The following VPS13C variants were observed in gnomAD, a reference collection of about 807,000 sequenced individuals.
VPS13C encodes intermembrane lipid transfer protein VPS13C.
Under a neutral mutation model 456.8 loss-of-function variants are expected in VPS13C, and 358 were observed. The observed-to-expected ratio is 0.78, with a 90% CI of 0.72 to 0.86. The LOEUF is 0.86. Ranked by LOEUF, VPS13C falls within the 40% of genes least tolerant of loss-of-function variation. The pLI is 0.00. For missense variants in VPS13C, 4,818 were observed against 4,385.4 expected (o/e 1.10, Z -2.79); for synonymous variants, 1,578 against 1,486.7 (o/e 1.06, Z -1.41).
rs1480729813 is a variant in VPS13C at position 61,996,894 on chromosome 15, C to CATATAT, written c.1353+3669_1353+3670insATATAT. 4.2e-5 allele frequency among the ~76,000 whole-genome samples: 6 copies of CATATAT among 143,826 alleles called. No homozygotes were observed. The South Asian group carries it at 8.8e-4, about 21-fold the overall frequency. 94.4% of individuals were successfully genotyped at this position (143,826 alleles called of 152,430 possible). On this transcript the variant is annotated intron_variant, in intron 16 of 84. Coordinates refer to ENST00000644861, the MANE Select transcript of VPS13C (RefSeq NM_020821.3). ...ACACACACACACACACACACACACA[C>CATATAT]ACATATATATATATTACATATACAC...
At chr15:61,884,800 G>A (rs1299274358) in intron 67 of VPS13C, among the ~76,000 whole-genome samples, 1 of 152,046 alleles carries the variant, frequency 6.6e-6, no homozygotes, top group Non-Finnish European at 1.5e-5. Flanking sequence ...CTTTAAAAAT[G>A]CCATTTCATA....
chr15:61,968,905 A>C (rs1313911684), intron 28 of VPS13C, among the ~76,000 whole-genome samples: 1 of 152,126 alleles, frequency 6.6e-6, no homozygotes, highest in Non-Finnish European at 1.5e-5. Context: ...ATCTTTATTT[A>C]GCCTTTGTTT....
chr15:61,962,132 T>C (rs1377149031), intron 34 of VPS13C, among the ~76,000 whole-genome samples: 1 of 152,158 alleles, frequency 6.6e-6, no homozygotes, highest in African/African-American at 2.4e-5. Flanking sequence ...CCAATAATTT[T>C]TATACTAAAG....
At chr15:61,992,336 C>T (rs890023550) in intron 16 of VPS13C, among the ~76,000 whole-genome samples, 6 of 152,130 alleles carry the variant, frequency 3.9e-5, no homozygotes, top group Admixed American at 3.9e-4. Flanking sequence ...CACTCCTTCT[C>T]TTTGCCCACT....
chr15:62,058,914 C>T (rs2048893299), intron 1 of VPS13C, among the ~76,000 whole-genome samples: 1 of 125,688 alleles, frequency 8.0e-6, no homozygotes, highest in African/African-American at 3.0e-5. Context: ...AAGTCCTTGT[C>T]TCAAAAAGAC....
At chr15:61,895,034 A>C (rs188877132) in intron 66 of VPS13C, among the ~76,000 whole-genome samples, 127 of 152,342 alleles carry the variant, frequency 8.3e-4, no homozygotes, top group African/African-American at 2.4e-3. Context: ...TTCTGTCCAC[A>C]ATGGAATAAA....
intron 6 of VPS13C, among the ~76,000 whole-genome samples, chr15:62,025,103 AC>A (rs1567123915): frequency 6.6e-6 from 1 of 152,096 alleles, no homozygotes; most frequent in Non-Finnish European, 1.5e-5. Flanking sequence ...ATAATCCTAC[AC>A]CTGGGCACAA....
intron 14 of VPS13C, 45 bp downstream of exon 14, chr15:62,008,610 A>G: frequency 7.3e-7 from 1 of 1,373,910 alleles, no homozygotes; most frequent in Non-Finnish European, 1.0e-6. Flanking sequence ...AACTAAATAT[A>G]TGATTATATG....
intron 1 of VPS13C, among the ~76,000 whole-genome samples, chr15:62,048,316 A>G (rs1394262345): frequency 8.1e-6 from 1 of 124,130 alleles, no homozygotes; most frequent in Non-Finnish European, 1.6e-5. Flanking sequence ...ATGTGTTCTC[A>G]TTGTTCAGTT....
intron 82 of VPS13C, among the ~76,000 whole-genome samples, chr15:61,860,953 C>CTTTCTTTTT (rs1894190443): frequency 1.1e-5 from 1 of 89,698 alleles, no homozygotes; most frequent in Non-Finnish European, 2.2e-5. Context: ...TATTTTCTTT[C>CTTTCTTTTT]TTTTTTTTTT....
intron 75 of VPS13C, among the ~76,000 whole-genome samples, chr15:61,876,286 T>C (rs1895419329): frequency 6.6e-6 from 1 of 151,902 alleles, no homozygotes; most frequent in African/African-American, 2.4e-5. Flanking sequence ...TCAAAATTTT[T>C]TAAAAAGGGA....
chr15:61,910,417 A>T, intron 63 of VPS13C, 112 bp from the exon 64 acceptor site: 2 of 878,710 alleles, frequency 2.3e-6, no homozygotes, highest in Non-Finnish European at 1.5e-6. Context: ...AATTATTATG[A>T]AGTTTCTAAA....
chr15:62,046,472 C>A (rs1317727639), intron 1 of VPS13C, among the ~76,000 whole-genome samples: 1 of 152,132 alleles, frequency 6.6e-6, no homozygotes, highest in Non-Finnish European at 1.5e-5. Flanking sequence ...CACAAAATTA[C>A]AATTGGGAAG....
intron 21 of VPS13C, 47 bp downstream of exon 21, chr15:61,982,412 A>C: frequency 6.7e-7 from 1 of 1,498,724 alleles, no homozygotes. Flanking sequence ...GAGTAGGCAA[A>C]ATTTTTAAGC....
At position 61,956,566 on chromosome 15, in the gene VPS13C, C is replaced by G. The variant is rs117377214; in HGVS notation, c.4166-2012G>C. Among the ~76,000 whole-genome samples the G allele has an allele frequency of 4.7e-3, 710 of 152,076 alleles. 27 individuals are homozygous for G. The highest frequency in any genetic ancestry group is 0.038 in the Admixed American group (578 of 15,258). On this transcript the variant is annotated intron_variant, in intron 37 of 84. Transcript: ENST00000644861. ...ATATATGCATACAACACACACTAACCAACAAAGGGCTCATATTCAGAATTT... is the reference window on the plus strand; with the variant it reads ...ATATATGCATACAACACACACTAACGAACAAAGGGCTCATATTCAGAATTT...
chr15:62,016,536 C>G (rs1292370772), intron 9 of VPS13C, among the ~76,000 whole-genome samples: 3 of 150,544 alleles, frequency 2.0e-5, no homozygotes, highest in Admixed American at 6.7e-5. Flanking sequence ...GTTTTTTGTC[C>G]TTGCAATAGT....
At chr15:61,940,568 G>T in intron 47 of VPS13C, 79 bp downstream of exon 47, 2 of 1,378,226 alleles carry the variant, frequency 1.5e-6, no homozygotes, top group Non-Finnish European at 2.0e-6. Context: ...CCTACATTCT[G>T]ATATCCACTA....
rs1043292302 is a variant in VPS13C, at chr15:61,854,536, T to C, written c.11183A>G (p.Asp3728Gly). The change falls in exon 85 of 85, where the codon GAT (aspartate) becomes GGT (glycine). Residue 3728 changes from aspartate (D) to glycine (G), a missense_variant. Asp to Gly is a moderately conservative substitution (Grantham distance 94, BLOSUM62 -1). Coordinates refer to ENST00000644861, the MANE Select transcript of VPS13C (RefSeq NM_020821.3). Reference sequence around the variant, plus strand: ...TTGCTGCTGTCTCGTTGACTGTGCATCCTCAATGGCATTACATGCTCTCTG... The same window carrying C: ...TTGCTGCTGTCTCGTTGACTGTGCACCCTCAATGGCATTACATGCTCTCTG... ...TAERACNAIE[D>G]AQSTRQQQKL... is the part of the protein sequence containing the mutation. The C allele has an allele frequency of 6.2e-7, 1 of 1,614,100 alleles. No homozygotes were observed. Among genetic ancestry groups the C allele is most frequent in the Non-Finnish European group, 8.5e-7 (1 of 1,179,984 alleles).
At position 61,854,345 on chromosome 15, in the gene VPS13C, CTA is replaced by C; in HGVS notation, c.*110_*111del. ...ACCCAATACTAGCTATTCCAGAAAA[CTA>C]AAACTAAAGGATTGCTTGAAAAATT... On this transcript the variant is annotated 3_prime_UTR_variant, in exon 85 of 85. Transcript: ENST00000644861. The C allele has an allele frequency of 9.6e-7, 1 of 1,038,462 alleles. No individual in the cohort carries two copies. The highest frequency in any genetic ancestry group is 1.5e-6 in the Non-Finnish European group (1 of 666,678). 64.3% of individuals were successfully genotyped at this position (1,038,462 alleles called of 1,614,324 possible). A position where few individuals can be genotyped will look rare whatever the true frequency, so the allele number is the denominator to read the frequency against.
Sources: allele counts gnomAD v4.1 joint callset (sites outside exome capture counted in the v4.1 genomes callset), GRCh38; gene constraint gnomAD v4.1.1; transcripts MANE v1.5; gene names NCBI Gene and HGNC (gene_info 2026-07-23, HGNC 2026-07-21).